Variants in KCNQ5 observed in about 807,000 individuals in gnomAD.
KCNQ5 encodes potassium voltage-gated channel subfamily Q member 5.
KCNQ5 carries 30 observed loss-of-function variants against 98.2 expected under a neutral mutation model. The observed-to-expected ratio is 0.31, with a 90% confidence interval of 0.23 to 0.41. KCNQ5 has a LOEUF of 0.41. Among genes scored for constraint, KCNQ5 ranks in the 10% least tolerant of loss-of-function variants. The pLI, the probability that KCNQ5 is intolerant of heterozygous loss-of-function variation, is 1.00. For missense variants in KCNQ5, 835 were observed against 1,182.5 expected (o/e 0.71, Z 4.31); for synonymous variants, 458 against 449.4 (o/e 1.02, Z -0.24).
chr6:73,078,177 T>C (rs1230927386), intron 5 of KCNQ5, among the ~76,000 whole-genome samples: 1 of 151,416 alleles, frequency 6.6e-6, no homozygotes, highest in Non-Finnish European at 1.5e-5. Flanking sequence ...GATTAAAACA[T>C]TGATAGTTTG....
intron 1 of KCNQ5, among the ~76,000 whole-genome samples, chr6:72,640,350 A>G (rs1302019866): frequency 9.6e-6 from 1 of 104,070 alleles, no homozygotes; most frequent in East Asian, 3.1e-4. Flanking sequence ...AAAAAAAAGT[A>G]ATTTTTATAC....
chr6:72,978,808 C>T (rs1329857040), intron 1 of KCNQ5, among the ~76,000 whole-genome samples: 1 of 152,184 alleles, frequency 6.6e-6, no homozygotes, highest in Non-Finnish European at 1.5e-5. Flanking sequence ...CATATTTCTC[C>T]TAATGCTATC....
At chr6:72,699,608 T>G (rs577990464) in intron 1 of KCNQ5, among the ~76,000 whole-genome samples, 2 of 152,290 alleles carry the variant, frequency 1.3e-5, no homozygotes, top group African/African-American at 4.8e-5. Flanking sequence ...AATATCACAA[T>G]TAAAGGACAA....
At chr6:72,834,915 C>A (rs1046962962) in intron 1 of KCNQ5, among the ~76,000 whole-genome samples, 1 of 152,068 alleles carries the variant, frequency 6.6e-6, no homozygotes, top group Non-Finnish European at 1.5e-5. Context: ...CCTTCCTCCA[C>A]AAAACTGAAA....
intron 1 of KCNQ5, among the ~76,000 whole-genome samples, chr6:72,713,462 A>G (rs534637739): frequency 2.0e-5 from 3 of 151,906 alleles, no homozygotes; most frequent in Middle Eastern, 3.4e-3. Context: ...GGCTTCTACA[A>G]TTTTTTTTCA....
At chr6:72,855,728 T>C (rs1777504949) in intron 1 of KCNQ5, among the ~76,000 whole-genome samples, 1 of 152,210 alleles carries the variant, frequency 6.6e-6, no homozygotes, top group African/African-American at 2.4e-5. Context: ...AAGCATATTA[T>C]GCTGTAGAAA....
intron 10 of KCNQ5, among the ~76,000 whole-genome samples, chr6:73,158,706 C>T (rs1459642452): frequency 6.6e-6 from 1 of 152,086 alleles, no homozygotes; most frequent in African/African-American, 2.4e-5. Context: ...TAATCTCATG[C>T]ACTAGTACAG....
intron 10 of KCNQ5, among the ~76,000 whole-genome samples, chr6:73,149,742 A>G (rs1777070522): frequency 6.7e-6 from 1 of 148,888 alleles, no homozygotes; most frequent in Non-Finnish European, 1.5e-5. Context: ...GGCTGCAGTG[A>G]GCCGAGATTG....
At chr6:73,060,643 A>G (rs1195415032) in intron 3 of KCNQ5, among the ~76,000 whole-genome samples, 2 of 152,172 alleles carry the variant, frequency 1.3e-5, no homozygotes, top group East Asian at 1.9e-4. Context: ...AACTCCTACT[A>G]AAAAATAGAA....
Position 72,719,097 on chromosome 6 carries a change from G to T in KCNQ5, c.398+96510G>T, listed in dbSNP as rs145037087. On this transcript the variant is annotated intron_variant, in intron 1 of 13. Transcript: ENST00000370398. Reference sequence around the variant, plus strand: ...GGATCTGTGGGGCATAAATAGATAAGATATAATTCTACTTCCTTAGAACCT... The same window carrying T: ...GGATCTGTGGGGCATAAATAGATAATATATAATTCTACTTCCTTAGAACCT... Among the ~76,000 whole-genome samples, 569 of 152,286 alleles carry T rather than the reference G, an allele frequency of 3.7e-3. 3 individuals are homozygous for T. Among genetic ancestry groups the T allele is most frequent in the Non-Finnish European group, 6.4e-3 (436 of 68,018 alleles).
intron 11 of KCNQ5, among the ~76,000 whole-genome samples, chr6:73,183,376 G>T (rs140437443): frequency 2.0e-5 from 3 of 152,322 alleles, no homozygotes; most frequent in Non-Finnish European, 4.4e-5. Flanking sequence ...TTGACAGAAT[G>T]CAGGTAAAGT....
At chr6:72,949,167 C>T (rs1029559180) in intron 1 of KCNQ5, among the ~76,000 whole-genome samples, 3 of 152,166 alleles carry the variant, frequency 2.0e-5, no homozygotes, top group Admixed American at 2.0e-4. Context: ...GTCTGGCTTG[C>T]AACTAATATT....
chr6:72,635,875 T>C (rs529557127), intron 1 of KCNQ5, among the ~76,000 whole-genome samples: 1 of 152,050 alleles, frequency 6.6e-6, no homozygotes, highest in East Asian at 1.9e-4. Context: ...TATTGCTCTA[T>C]GGTAATTAAT....
intron 3 of KCNQ5, chr6:73,055,457 C>G (rs1162940350): frequency 2.5e-5 from 39 of 1,549,266 alleles, no homozygotes; most frequent in Non-Finnish European, 3.4e-5. Flanking sequence ...TGTCCCACCA[C>G]CTCCGATGGA....
rs548352425 is a variant in KCNQ5, at chr6:72,773,630, A to G, written c.398+151043A>G. ...AAAATAAATAAACAAAGGTAATATT[A>G]TATAGATGCTATTCACTTGTCTAAA... On this transcript the variant is annotated intron_variant, in intron 1 of 13. Coordinates refer to ENST00000370398, the MANE Select transcript of KCNQ5 (RefSeq NM_019842.4). Among the ~76,000 whole-genome samples, 42 of 152,328 alleles carry G rather than the reference A, an allele frequency of 2.8e-4. No homozygotes were observed. The South Asian group carries it at 8.1e-3, about 29-fold the overall frequency.
At chr6:72,948,611 C>A (rs748873927) in intron 1 of KCNQ5, among the ~76,000 whole-genome samples, 3 of 151,882 alleles carry the variant, frequency 2.0e-5, no homozygotes, top group African/African-American at 7.3e-5. Flanking sequence ...AACCTATACC[C>A]AAGTAATGTA....
At chr6:73,092,095 T>G (rs4404742) in intron 5 of KCNQ5, among the ~76,000 whole-genome samples, 132,343 of 151,104 alleles carry the variant, frequency 0.88, 58,549 homozygotes, top group South Asian at 0.96. Context: ...TTTTTGTTTG[T>G]TTGTTTTTTG....
chr6:72,826,126 G>A (rs2150118873), intron 1 of KCNQ5, among the ~76,000 whole-genome samples: 1 of 152,138 alleles, frequency 6.6e-6, no homozygotes, highest in East Asian at 1.9e-4. Context: ...GCAATTCAGG[G>A]TATAAAAGCA....
At position 72,854,705 on chromosome 6, in the gene KCNQ5, CCTCT is replaced by C. The variant is rs199588765; in HGVS notation, c.399-149198_399-149195del. Reference sequence around the variant, plus strand: ...TGACTTGTTAAGGAGTTAGTAACAACCTCTCTCTTTCTTTGTACACACACACACA... The same window carrying C: ...TGACTTGTTAAGGAGTTAGTAACAACCTCTTTCTTTGTACACACACACACA... On this transcript the variant is annotated intron_variant, in intron 1 of 13. Coordinates refer to ENST00000370398, the MANE Select transcript of KCNQ5 (RefSeq NM_019842.4). 7.3e-3 allele frequency among the ~76,000 whole-genome samples: 1,018 copies of C among 140,356 alleles called. 14 individuals are homozygous for C. Among genetic ancestry groups the C allele is most frequent in the African/African-American group, 0.024 (880 of 37,090 alleles). The allele number at this position is 140,356 out of a possible 152,430, so 92.1% of individuals were successfully genotyped here. A position where few individuals can be genotyped will look rare whatever the true frequency, so the allele number is the denominator to read the frequency against.
Sources: gnomAD v4.1 joint callset for allele counts (sites outside exome capture counted in the v4.1 genomes callset) on GRCh38, gnomAD v4.1.1 for gene constraint, MANE v1.5 for transcripts, NCBI Gene and HGNC (gene_info 2026-07-23, HGNC 2026-07-21) for gene names.